Variants in SEMA4D observed in about 807,000 individuals in gnomAD.
The protein encoded by SEMA4D is semaphorin-4D.
In SEMA4D, 22 loss-of-function variants were observed where a neutral mutation model predicts 74.8. The observed-to-expected ratio is 0.29, with a 90% CI of 0.21 to 0.42. SEMA4D has a LOEUF of 0.42. Ranked by LOEUF, SEMA4D falls within the 10% of genes least tolerant of loss-of-function variation. The pLI, the probability that SEMA4D is intolerant of heterozygous loss-of-function variation, is 1.00. For synonymous variants in SEMA4D, 445 were observed against 463.7 expected, an observed-to-expected ratio of 0.96 and a Z score of 0.52; for missense variants, 937 against 1,118.4, an observed-to-expected ratio of 0.84 and a Z score of 2.31.
At chr9:89,433,680 C>T (rs758684351) in intron 2 of SEMA4D, among the ~76,000 whole-genome samples, 1 of 152,232 alleles carries the variant, frequency 6.6e-6, no homozygotes, top group Non-Finnish European at 1.5e-5. Context: ...TGCCCAAGTA[C>T]AGGGTGGATA....
intron 1 of SEMA4D, among the ~76,000 whole-genome samples, chr9:89,461,700 C>CTTTTTTTTTTTTTTTT (rs61696689): frequency 4.2e-4 from 44 of 103,648 alleles, no homozygotes; most frequent in African/African-American, 1.4e-3. Flanking sequence ...TCTTTTTTCT[C>CTTTTTTTTTTTTTTTT]TTTTTTTTTT....
rs369861571 is a variant in SEMA4D, at chr9:89,386,479, C to T, written c.1334G>A (p.Arg445Gln). 139 of 1,609,792 alleles carry T rather than the reference C, an allele frequency of 8.6e-5. No homozygotes were observed. Among genetic ancestry groups the T allele is most frequent in the East Asian group, 1.3e-4 (6 of 44,876 alleles). ...VYDVMFVSTD[R>Q]GALHKAISLE... is the part of the protein sequence containing the mutation. ...GCTGATGGCTTTGTGCAGAGCTCCC[C>T]GGTCTGCAGGGCCAAAGCTACAGGT... The change falls in exon 13 of 16, where the codon CGG (arginine) becomes CAG (glutamine). Residue 445 changes from arginine (R) to glutamine (Q), a missense_variant. Arg to Gln is a conservative substitution (Grantham distance 43). Transcript: ENST00000422704.
intron 2 of SEMA4D, among the ~76,000 whole-genome samples, chr9:89,406,759 G>A (rs1216778227): frequency 6.6e-6 from 1 of 152,092 alleles, no homozygotes; most frequent in Non-Finnish European, 1.5e-5. Flanking sequence ...GTCCTGTGAG[G>A]GTCATGGAAC....
intron 1 of SEMA4D, chr9:89,480,025 T>G (rs563118476): frequency 6.6e-6 from 1 of 152,032 alleles, no homozygotes; most frequent in Non-Finnish European, 1.5e-5. Flanking sequence ...GATAGAAAGG[T>G]TCTCCACGTC....
intron 2 of SEMA4D, among the ~76,000 whole-genome samples, chr9:89,445,587 G>A (rs1310120294): frequency 1.3e-5 from 2 of 152,136 alleles, no homozygotes; most frequent in African/African-American, 4.8e-5. Flanking sequence ...CTCCAGAGAA[G>A]CAGAACCAAT....
chr9:89,377,028 G>A (rs1243711640), downstream of SEMA4D: 1 of 1,541,606 alleles, frequency 6.5e-7, no homozygotes, highest in Non-Finnish European at 8.8e-7. Context: ...GAGCCAGGAG[G>A]AGGGAGGGGC....
At chr9:89,463,799 C>T (rs1249444959) in intron 1 of SEMA4D, among the ~76,000 whole-genome samples, 7 of 151,810 alleles carry the variant, frequency 4.6e-5, no homozygotes, top group Admixed American at 4.6e-4. Flanking sequence ...CAGGGTGTGG[C>T]GGCGGGCACC....
chr9:89,466,737 C>T (rs147145258), intron 1 of SEMA4D, among the ~76,000 whole-genome samples: 32 of 152,330 alleles, frequency 2.1e-4, no homozygotes, highest in Non-Finnish European at 2.5e-4. Flanking sequence ...CCTACATGGA[C>T]TGTGTTTCCA....
rs554639824 is a variant in SEMA4D, at chr9:89,484,146, C to A, written c.-310+13773G>T. ...TGGAGCCTTAAAGAGGACGCCGCGG[C>A]CACCCCGCCCTGCAGGCCCACCTGC... On this transcript the variant is annotated intron_variant, in intron 1 of 15. Coordinates refer to ENST00000422704, the MANE Select transcript of SEMA4D (RefSeq NM_001371194.2). This position sits in a 1 kb window ranked among gnomAD's most constrained non-coding sequence, Gnocchi z 4.1. 2.2e-3 allele frequency among the ~76,000 whole-genome samples: 339 copies of A among 152,336 alleles called. No individual in the cohort carries two copies. Among genetic ancestry groups the A allele is most frequent in the African/African-American group, 7.1e-3 (297 of 41,568 alleles).
In SEMA4D at chr9:89,461,700, C is replaced by CTCTTTTTTTTTTTTT. The variant is rs71281350; in HGVS notation, c.-309-5748_-309-5747insAAAAAAAAAAAAAGA. On this transcript the variant is annotated intron_variant, in intron 1 of 15. Coordinates refer to ENST00000422704, the MANE Select transcript of SEMA4D (RefSeq NM_001371194.2). ...GGGCCAATGTGTATTTCTTTTTTCT[C>CTCTTTTTTTTTTTTT]TTTTTTTTTTTTTTTTTTTGGAGAC... is the stretch of plus-strand genomic sequence containing the variant. Among the ~76,000 whole-genome samples the CTCTTTTTTTTTTTTT allele has an allele frequency of 5.8e-4, 60 of 103,658 alleles. 1 individual carries two copies. Among genetic ancestry groups the CTCTTTTTTTTTTTTT allele is most frequent in the South Asian group, 7.6e-4 (2 of 2,638 alleles). The allele number at this position is 103,658 out of a possible 152,430, so 68.0% of individuals were successfully genotyped here. A position where few individuals can be genotyped will look rare whatever the true frequency, so the allele number is the denominator to read the frequency against.
rs1047241274 is a variant in SEMA4D, at chr9:89,409,023, G to A, written c.-243-3324C>T. Among the ~76,000 whole-genome samples, 7 of 152,326 alleles carry A rather than the reference G, an allele frequency of 4.6e-5. No individual in the cohort carries two copies. The East Asian group carries it at 5.8e-4, about 13-fold the overall frequency. ...GTGCCAACCACACAGGAAGCCAGCC[G>A]TGGAGACAGCCCAGGGGCAGGCGAG... On this transcript the variant is annotated intron_variant, in intron 2 of 15. Coordinates refer to ENST00000422704, the MANE Select transcript of SEMA4D (RefSeq NM_001371194.2).
chr9:89,371,458 GGT>G (rs1302103749), intron 16 of SEMA4D, among the ~76,000 whole-genome samples: 2 of 102,436 alleles, frequency 2.0e-5, no homozygotes, highest in Admixed American at 1.0e-4. Flanking sequence ...GTGTGTCTGG[GGT>G]GTGTGTGTGG....
At position 89,388,814 on chromosome 9, in the gene SEMA4D, C is replaced by T. The variant is rs753400369; in HGVS notation, c.951-22G>A. The T allele has an allele frequency of 1.6e-5, 25 of 1,605,196 alleles. 1 individual carries two copies. The highest frequency in any genetic ancestry group is 1.5e-4 in the South Asian group (14 of 90,872). ...GTTCCTGGGGAGGGGAAAGAGGTGA[C>T]GGGACCACCTGGCGGCATCAAGGGA... is the stretch of plus-strand genomic sequence containing the variant. On this transcript the variant is annotated intron_variant, in intron 10 of 15. Coordinates refer to ENST00000422704, the MANE Select transcript of SEMA4D (RefSeq NM_001371194.2).
intron 13 of SEMA4D, chr9:89,385,818 G>A (rs566491638): frequency 4.3e-5 from 35 of 814,012 alleles, no homozygotes; most frequent in South Asian, 2.3e-4. Flanking sequence ...TGGAGGTCCC[G>A]TTAGGAGCCA....
chr9:89,380,476 C>T (rs993320874), intron 15 of SEMA4D, among the ~76,000 whole-genome samples: 1 of 152,204 alleles, frequency 6.6e-6, no homozygotes, highest in African/African-American at 2.4e-5. Flanking sequence ...GGACTACAGG[C>T]GTGTACCACC....
chr9:89,456,449 T>C (rs553665295), intron 1 of SEMA4D, among the ~76,000 whole-genome samples: 2 of 152,220 alleles, frequency 1.3e-5, no homozygotes, highest in Admixed American at 6.5e-5. Flanking sequence ...ATGTCAGTGC[T>C]AGCATTCAAT....
At chr9:89,410,561 C>A (rs185067208) in intron 2 of SEMA4D, among the ~76,000 whole-genome samples, 44 of 152,076 alleles carry the variant, frequency 2.9e-4, no homozygotes, top group African/African-American at 9.9e-4. Context: ...AAGTTACACA[C>A]GTAGCAGAGA....
Position 89,480,709 on chromosome 9 carries a change from C to G in SEMA4D, c.-310+17210G>C, listed in dbSNP as rs189830700. On this transcript the variant is annotated intron_variant, in intron 1 of 15. Coordinates refer to ENST00000422704, the MANE Select transcript of SEMA4D (RefSeq NM_001371194.2). ...GGCCAGAAGGGCTGGCTGGCTGCTC[C>G]GAGTGCGGGGCCCACCAAGCCCACG... 3.0e-3 allele frequency among the ~76,000 whole-genome samples: 457 copies of G among 152,332 alleles called. 3 individuals carry two copies. The highest frequency in any genetic ancestry group is 0.01 in the African/African-American group (433 of 41,568).
At chr9:89,372,470 T>C (rs925645231), downstream of SEMA4D, among the ~76,000 whole-genome samples, 1 of 151,696 alleles carries the variant, frequency 6.6e-6, no homozygotes, top group Non-Finnish European at 1.5e-5. Flanking sequence ...TGACTGACTA[T>C]AGTAAATGTG....
Sources: allele counts gnomAD v4.1 joint callset (sites outside exome capture counted in the v4.1 genomes callset), GRCh38; gene constraint gnomAD v4.1.1; non-coding constraint Gnocchi (gnomAD v3.1); transcripts MANE v1.5; gene names NCBI Gene and HGNC (gene_info 2026-07-23, HGNC 2026-07-21).